ZSCAN21: variants seen among roughly 807,000 people sequenced by gnomAD.
ZSCAN21 encodes zinc finger and SCAN domain-containing protein 21.
In ZSCAN21, 26 loss-of-function variants were observed where a neutral mutation model predicts 35.6. The ratio of observed to expected loss-of-function variants is 0.73; its 90% CI spans 0.54 to 1.01. The LOEUF (loss-of-function observed/expected upper bound fraction) is 1.01. Ranked by LOEUF, ZSCAN21 falls within the 50% of genes least tolerant of loss-of-function variation. The pLI, the probability that ZSCAN21 is intolerant of heterozygous loss-of-function variation, is 0.00. For synonymous variants in ZSCAN21, 219 were observed against 219.3 expected (o/e 1.00, Z 0.01); for missense variants, 593 against 587.1 (o/e 1.01, Z -0.10).
At chr7:100,058,280 A>C (rs1792155394) in intron 3 of ZSCAN21, among the ~76,000 whole-genome samples, 1 of 152,084 alleles carries the variant, frequency 6.6e-6, no homozygotes, top group Admixed American at 6.6e-5. Context: ...ACAGAGGGGG[A>C]CCCTCTTACC....
chr7:100,050,833 G>T (rs1044008858), intron 1 of ZSCAN21, among the ~76,000 whole-genome samples: 54 of 152,270 alleles, frequency 3.5e-4, no homozygotes, highest in Non-Finnish European at 1.5e-5. Context: ...CTGCTATGGA[G>T]AAAGTGAGTA....
At position 100,057,745 on chromosome 7, in the gene ZSCAN21, C is replaced by G. The variant is rs751963381; in HGVS notation, c.447C>G (p.Ser149=). 45 of 1,613,846 alleles carry G rather than the reference C, an allele frequency of 2.8e-5. No individual in the cohort carries two copies. Among genetic ancestry groups the G allele is most frequent in the Non-Finnish European group, 3.7e-5 (44 of 1,179,912 alleles). Residue 149 remains serine (S), a synonymous_variant, in exon 3 of 4, where the codon TCC becomes TCG. Transcript: ENST00000292450. The part of the protein sequence containing the change: ...NEQKPVWEKI[S]SSGTAKESPS... ...AGAAACCGGTGTGGGAGAAGATATC[C>G]TCCTCAGGAACTGCAAAGGAATCCC... is the stretch of plus-strand genomic sequence containing the variant.
chr7:100,057,751 A>G lies in ZSCAN21; in HGVS notation c.453A>G (p.Ser151=), dbSNP rs763623544. 6.2e-7 allele frequency: 1 copy of G among 1,614,024 alleles called. No homozygotes were observed. The highest frequency in any genetic ancestry group is 8.5e-7 in the Non-Finnish European group (1 of 1,179,974). Residue 151 remains serine, a synonymous_variant, in exon 3 of 4, where the codon TCA becomes TCG. Coordinates refer to ENST00000292450, the MANE Select transcript of ZSCAN21 (RefSeq NM_145914.3). ...CGGTGTGGGAGAAGATATCCTCCTC[A>G]GGAACTGCAAAGGAATCCCCGAGCA... ...QKPVWEKISS[S]GTAKESPSSM...
At chr7:100,059,692 A>G (rs572431257) in intron 3 of ZSCAN21, among the ~76,000 whole-genome samples, 64 of 151,814 alleles carry the variant, frequency 4.2e-4, no homozygotes, top group Non-Finnish European at 2.9e-5. Context: ...AGCTGGAACT[A>G]CAGGTGCACA....
chr7:100,062,418 A>G (rs773498466), intron 3 of ZSCAN21, among the ~76,000 whole-genome samples: 4 of 149,298 alleles, frequency 2.7e-5, no homozygotes, highest in African/African-American at 4.9e-5. Context: ...GAACATGGAG[A>G]AACCCTGTCT....
At chr7:100,054,795 C>A (rs1188824289) in intron 1 of ZSCAN21, among the ~76,000 whole-genome samples, 1 of 140,122 alleles carries the variant, frequency 7.1e-6, no homozygotes, top group Non-Finnish European at 1.5e-5. Flanking sequence ...GCCGAGATCA[C>A]GCCACTGTAC....
At chr7:100,050,525 C>T (rs1318116106) in intron 1 of ZSCAN21, among the ~76,000 whole-genome samples, 8 of 151,718 alleles carry the variant, frequency 5.3e-5, no homozygotes, top group Admixed American at 4.6e-4. Flanking sequence ...TGGCCAAACC[C>T]TGTCCCCACG....
Position 100,057,704 on chromosome 7 carries a change from A to G in ZSCAN21, c.406A>G (p.Thr136Ala), listed in dbSNP as rs781413629. ...CATTCCTGATTGTCTCTAGGTCTCA[A>G]CTCCTCCAAACGAACAGAAACCGGT... ...ELDEPGHQVS[T>A]PPNEQKPVWE... The change falls in exon 3 of 4, where the codon ACT (threonine) becomes GCT (alanine). Residue 136 changes from threonine to alanine, a missense_variant. Physicochemically the swap from Thr to Ala is moderately conservative, Grantham distance 58 (BLOSUM62 0). Transcript: ENST00000292450. The G allele has an allele frequency of 8.1e-6, 13 of 1,609,208 alleles. No individual in the cohort carries two copies. Among genetic ancestry groups the G allele is most frequent in the Admixed American group, 3.4e-5 (2 of 59,158 alleles).
At chr7:100,051,178 CAAAAAAAAAA>C (rs369246193) in intron 1 of ZSCAN21, among the ~76,000 whole-genome samples, 26 of 41,366 alleles carry the variant, frequency 6.3e-4, no homozygotes, top group African/African-American at 1.1e-3. Context: ...AACTACGTCT[CAAAAAAAAAA>C]AAAAAAAAAA....
Sources: gnomAD v4.1 joint callset for allele counts (sites outside exome capture counted in the v4.1 genomes callset) on GRCh38, gnomAD v4.1.1 for gene constraint, MANE v1.5 for transcripts, NCBI Gene and HGNC (gene_info 2026-07-23, HGNC 2026-07-21) for gene names.